Variants in RNF6 observed in about 807,000 individuals in gnomAD.
RNF6 encodes ring finger protein 6.
RNF6 carries 21 observed loss-of-function variants against 50.1 expected under a neutral mutation model. The observed-to-expected ratio is 0.42, with a 90% CI of 0.30 to 0.60. The LOEUF (loss-of-function observed/expected upper bound fraction) is 0.60. Among genes scored for constraint, RNF6 ranks in the 20% least tolerant of loss-of-function variants. The probability of loss-of-function intolerance (pLI) is 0.20; values close to 1 mark genes in which losing one functional copy is unlikely to be tolerated. For missense variants in RNF6, 698 were observed against 838.2 expected (o/e 0.83, Z 2.07); for synonymous variants, 255 against 291.8 (o/e 0.87, Z 1.29).
intron 5 of RNF6, among the ~76,000 whole-genome samples, chr13:26,172,241 C>G (rs1235559524): frequency 2.0e-5 from 3 of 150,158 alleles, no homozygotes; most frequent in Non-Finnish European, 3.0e-5. Context: ...ATGGACCATT[C>G]CGTAACCGAT....
At chr13:26,178,920 A>G (rs1197160689) in intron 5 of RNF6, among the ~76,000 whole-genome samples, 2 of 152,180 alleles carry the variant, frequency 1.3e-5, no homozygotes, top group Non-Finnish European at 2.9e-5. Flanking sequence ...TTCACTTAGT[A>G]TAATGTCCTC....
intron 5 of RNF6, among the ~76,000 whole-genome samples, chr13:26,161,628 G>A (rs185845130): frequency 2.7e-4 from 41 of 152,096 alleles, no homozygotes; most frequent in African/African-American, 8.2e-4. Flanking sequence ...GTTAGTATAC[G>A]GCAAAACTAT....
At chr13:26,175,149 C>T (rs556941254) in intron 5 of RNF6, among the ~76,000 whole-genome samples, 52 of 152,166 alleles carry the variant, frequency 3.4e-4, no homozygotes, top group African/African-American at 1.1e-3. Flanking sequence ...GGCGTGATCT[C>T]GGCTCACTGC....
At chr13:26,163,564 A>G (rs1196608325) in intron 5 of RNF6, among the ~76,000 whole-genome samples, 20 of 152,336 alleles carry the variant, frequency 1.3e-4, no homozygotes. Context: ...ATAAATTTTA[A>G]AAAGAAAGAG....
chr13:26,164,056 T>G (rs370345417), intron 5 of RNF6, among the ~76,000 whole-genome samples: 2 of 152,244 alleles, frequency 1.3e-5, no homozygotes, highest in Admixed American at 6.5e-5. Context: ...TCGATTTGTA[T>G]GTTTTAATCG....
At chr13:26,164,580 A>T (rs560935728) in intron 5 of RNF6, among the ~76,000 whole-genome samples, 1 of 152,150 alleles carries the variant, frequency 6.6e-6, no homozygotes, top group South Asian at 2.1e-4. Context: ...CATACATTCA[A>T]TATCATCTTT....
intron 5 of RNF6, among the ~76,000 whole-genome samples, chr13:26,149,768 T>C (rs1356293908): frequency 1.3e-5 from 2 of 150,966 alleles, no homozygotes; most frequent in Non-Finnish European, 1.5e-5. Context: ...CAGGCCTTGG[T>C]TGACATCCTC....
chr13:26,218,384 T>A, intron 4 of RNF6, 127 bp downstream of exon 4: 1 of 677,890 alleles, frequency 1.5e-6, no homozygotes, highest in South Asian at 1.7e-5. Flanking sequence ...ATATATATAT[T>A]ATCTGAATGA....
Position 26,215,362 on chromosome 13 carries a change from G to A in RNF6, c.520C>T (p.Leu174Phe). The change falls in exon 5 of 5, where the codon CTT becomes TTT. Residue 174 changes from leucine to phenylalanine, a missense_variant. Physicochemically the swap from Leu to Phe is conservative, Grantham distance 22. Coordinates refer to ENST00000381588, the MANE Select transcript of RNF6 (RefSeq NM_005977.4). ...GTATGATCTCTGTTACTATCTGAAA[G>A]TGGAATGTCTGTATAATCTTCTCCA... ...IHGEDYTDIP[L>F]SDSNRDHTAN... 6.2e-6 allele frequency: 10 copies of A among 1,614,180 alleles called. No individual in the cohort carries two copies. The highest frequency in any genetic ancestry group is 8.5e-6 in the Non-Finnish European group (10 of 1,180,020).
rs545258838 is a variant in RNF6 at position 26,167,443 on chromosome 13, A to G, written n.769-34992T>C. Reference sequence around the variant, plus strand: ...GGGCATACATGTGGCTAAAAAGCATATGAAAAAACTCAATATCGCTGATAA... The same window carrying G: ...GGGCATACATGTGGCTAAAAAGCATGTGAAAAAACTCAATATCGCTGATAA... On this transcript the variant is annotated intron_variant and non_coding_transcript_variant, in intron 5 of 5. Transcript: ENST00000468480. 2.0e-5 allele frequency among the ~76,000 whole-genome samples: 3 copies of G among 152,374 alleles called. No individual in the cohort carries two copies. The South Asian group carries it at 6.2e-4, about 32-fold the overall frequency.
chr13:26,136,079 GCAAA>G (rs1209505015), intron 5 of RNF6, among the ~76,000 whole-genome samples: 2 of 152,076 alleles, frequency 1.3e-5, no homozygotes, highest in Non-Finnish European at 2.9e-5. Flanking sequence ...TTACAGCAAT[GCAAA>G]CAGACTAATA....
intron 5 of RNF6, among the ~76,000 whole-genome samples, chr13:26,193,109 G>T (rs545981339): frequency 6.6e-6 from 1 of 152,258 alleles, no homozygotes; most frequent in South Asian, 2.1e-4. Flanking sequence ...CTAAGTTTGG[G>T]TGCCTATTAT....
chr13:26,147,209 A>T (rs1000012585), intron 5 of RNF6, among the ~76,000 whole-genome samples: 1 of 152,166 alleles, frequency 6.6e-6, no homozygotes, highest in Admixed American at 6.5e-5. Flanking sequence ...AGAAAATTCA[A>T]GTATTTCTTT....
intron 5 of RNF6, among the ~76,000 whole-genome samples, chr13:26,152,341 G>A (rs1566410577): frequency 3.3e-5 from 5 of 152,144 alleles, no homozygotes. Flanking sequence ...CTCACGCTGC[G>A]CGCTGTGCCC....
chr13:26,180,853 G>A (rs570401518), intron 5 of RNF6, among the ~76,000 whole-genome samples: 2 of 152,366 alleles, frequency 1.3e-5, no homozygotes, highest in African/African-American at 4.8e-5. Context: ...ATTCACCAAT[G>A]TGTTGTCAGT....
intron 5 of RNF6, among the ~76,000 whole-genome samples, chr13:26,164,878 T>C (rs112466268): frequency 6.6e-6 from 1 of 152,134 alleles, no homozygotes; most frequent in Non-Finnish European, 1.5e-5. Flanking sequence ...TTCAAAAAAT[T>C]TGCAGCCTGA....
At chr13:26,222,418 CAG>C (rs1353858133), upstream of RNF6, 1 of 152,340 alleles carries the variant, frequency 6.6e-6, no homozygotes, top group African/African-American at 2.4e-5. Flanking sequence ...CCCGGCCGCT[CAG>C]CGCTCGTGGC....
chr13:26,144,219 C>G lies in RNF6; in HGVS notation n.769-11768G>C, dbSNP rs569443501. 5.3e-5 allele frequency among the ~76,000 whole-genome samples: 8 copies of G among 152,232 alleles called. No homozygotes were observed. In the South Asian group the frequency reaches 1.7e-3, roughly 32 times the overall value. Reference sequence around the variant, plus strand: ...CCATGCATAACCTCCATCCCTGCCACCATGGCCACTTTGTTTATGGGCTCA... The same window carrying G: ...CCATGCATAACCTCCATCCCTGCCAGCATGGCCACTTTGTTTATGGGCTCA... On this transcript the variant is annotated intron_variant and non_coding_transcript_variant, in intron 5 of 5. Coordinates refer to the RNF6 transcript ENST00000468480.
At chr13:26,151,621 C>T (rs201593212) in intron 5 of RNF6, among the ~76,000 whole-genome samples, 16 of 139,578 alleles carry the variant, frequency 1.1e-4, no homozygotes, top group South Asian at 8.8e-4. Flanking sequence ...TTCTTTTTTT[C>T]TTTTTTTTTT....
Sources: gnomAD v4.1 joint callset for allele counts (sites outside exome capture counted in the v4.1 genomes callset) on GRCh38, gnomAD v4.1.1 for gene constraint, MANE v1.5 for transcripts, NCBI Gene and HGNC (gene_info 2026-07-23, HGNC 2026-07-21) for gene names.